Variants in LRFN5 observed in about 807,000 individuals in gnomAD.
LRFN5 encodes leucine rich repeat and fibronectin type III domain containing 5, also known as leucine-rich repeat and fibronectin type-III domain-containing protein 5.
Under a neutral mutation model 45.6 loss-of-function variants are expected in LRFN5, and 24 were observed. That is an observed-to-expected ratio of 0.53 (90% CI 0.38 to 0.74). The LOEUF is 0.74. Among genes scored for constraint, LRFN5 ranks in the 30% least tolerant of loss-of-function variants. The probability of loss-of-function intolerance (pLI) is 0.00; values close to 1 mark genes in which losing one functional copy is unlikely to be tolerated. For missense variants in LRFN5, 776 were observed against 861.5 expected (o/e 0.90, Z 1.24); for synonymous variants, 340 against 313.8 (o/e 1.08, Z -0.88).
chr14:41,634,734 G>A (rs923334914), intron 1 of LRFN5, among the ~76,000 whole-genome samples: 5 of 152,086 alleles, frequency 3.3e-5, no homozygotes, highest in Non-Finnish European at 5.9e-5. Context: ...ATGCTGTAGG[G>A]TTTGGGTCTG....
At chr14:41,873,900 A>T (rs1890105039) in intron 2 of LRFN5, among the ~76,000 whole-genome samples, 1 of 152,206 alleles carries the variant, frequency 6.6e-6, no homozygotes, top group South Asian at 2.1e-4. Context: ...ACCCTAGGGA[A>T]ACTGAAATAC....
At chr14:41,732,069 A>G (rs187414978) in intron 1 of LRFN5, among the ~76,000 whole-genome samples, 2 of 152,296 alleles carry the variant, frequency 1.3e-5, no homozygotes, top group Non-Finnish European at 2.9e-5. Flanking sequence ...GAAGTCTTGA[A>G]ACTTCTGAAA....
chr14:41,834,099 GAT>G (rs1283683417), intron 2 of LRFN5, among the ~76,000 whole-genome samples: 1 of 152,100 alleles, frequency 6.6e-6, no homozygotes, highest in African/African-American at 2.4e-5. Context: ...CTTGCTTCCA[GAT>G]CTACATTGTG....
chr14:41,711,709 A>G (rs977255817), intron 1 of LRFN5, among the ~76,000 whole-genome samples: 1 of 152,232 alleles, frequency 6.6e-6, no homozygotes, highest in African/African-American at 2.4e-5. Context: ...TCCGTTTCAC[A>G]GATAAACTGT....
intron 1 of LRFN5, among the ~76,000 whole-genome samples, chr14:41,670,157 TAC>T: frequency 7.0e-6 from 1 of 143,884 alleles, no homozygotes. Context: ...TGTATATATA[TAC>T]ATTCTGTGTA....
intron 1 of LRFN5, among the ~76,000 whole-genome samples, chr14:41,610,620 G>A (rs1238849106): frequency 8.8e-6 from 1 of 113,102 alleles, no homozygotes; most frequent in Non-Finnish European, 1.7e-5. Context: ...AAGATATCTC[G>A]ACTTTAACAG....
At chr14:41,871,915 C>A (rs1034536585) in intron 2 of LRFN5, among the ~76,000 whole-genome samples, 5 of 152,106 alleles carry the variant, frequency 3.3e-5, no homozygotes, top group Non-Finnish European at 5.9e-5. Context: ...ACATATTTAA[C>A]CAATAACCAT....
chr14:41,836,093 T>G (rs12894501), intron 2 of LRFN5, among the ~76,000 whole-genome samples: 75,977 of 151,826 alleles, frequency 0.5, 19,976 homozygotes, highest in African/African-American at 0.63. Context: ...GATATAAAAA[T>G]CCTTTACAAA....
At chr14:41,616,909 TC>T (rs1209090681) in intron 1 of LRFN5, among the ~76,000 whole-genome samples, 1 of 152,152 alleles carries the variant, frequency 6.6e-6, no homozygotes, top group Non-Finnish European at 1.5e-5. Flanking sequence ...ATTTGCCCCT[TC>T]TTTTATTCTT....
chr14:41,744,915 AG>A (rs1326628960), intron 1 of LRFN5, among the ~76,000 whole-genome samples: 1 of 152,098 alleles, frequency 6.6e-6, no homozygotes, highest in African/African-American at 2.4e-5. Flanking sequence ...ATGGAATTGA[AG>A]GGGAAAATAT....
chr14:41,731,678 A>G (rs1053275622), intron 1 of LRFN5: 9 of 152,144 alleles, frequency 5.9e-5, no homozygotes, highest in Admixed American at 5.2e-4. Flanking sequence ...CTCTGCTTCA[A>G]CTTTAGCCAT....
At chr14:41,650,959 T>C (rs1008998849) in intron 1 of LRFN5, among the ~76,000 whole-genome samples, 3 of 151,230 alleles carry the variant, frequency 2.0e-5, no homozygotes, top group Non-Finnish European at 4.4e-5. Context: ...GTTTATGCAG[T>C]GACTAAAAGA....
chr14:41,735,378 C>A (rs985443411), intron 1 of LRFN5, among the ~76,000 whole-genome samples: 5 of 152,104 alleles, frequency 3.3e-5, no homozygotes, highest in Non-Finnish European at 7.4e-5. Flanking sequence ...AGCAATCTCC[C>A]TACCTCAGCC....
chr14:41,652,272 A>G (rs1457058454), intron 1 of LRFN5, among the ~76,000 whole-genome samples: 1 of 152,158 alleles, frequency 6.6e-6, no homozygotes, highest in Non-Finnish European at 1.5e-5. Context: ...TGACAATATT[A>G]TATCATTTCT....
chr14:41,756,117 G>T (rs1464915689), intron 1 of LRFN5, among the ~76,000 whole-genome samples: 1 of 152,196 alleles, frequency 6.6e-6, no homozygotes, highest in Non-Finnish European at 1.5e-5. Context: ...GGCTTGTAGA[G>T]TATCTGCCGA....
intron 2 of LRFN5, among the ~76,000 whole-genome samples, chr14:41,817,839 T>G (rs1887973907): frequency 6.6e-6 from 1 of 152,196 alleles, no homozygotes; most frequent in South Asian, 2.1e-4. Context: ...AACTTCATGC[T>G]GAGCCTCCAG....
intron 2 of LRFN5, among the ~76,000 whole-genome samples, chr14:41,845,758 A>G (rs1889040562): frequency 6.6e-6 from 1 of 152,222 alleles, no homozygotes; most frequent in African/African-American, 2.4e-5. Context: ...CCCAACAATA[A>G]GAGTATTAAA....
chr14:41,661,959 T>A (rs566343294), intron 1 of LRFN5, among the ~76,000 whole-genome samples: 13 of 152,200 alleles, frequency 8.5e-5, no homozygotes, highest in Admixed American at 7.9e-4. Flanking sequence ...TTTGTACTAC[T>A]TGTTTCAGCA....
chr14:41,886,019 C>CAAAAAAAAAA (rs35648547), intron 2 of LRFN5, among the ~76,000 whole-genome samples: 1 of 88,778 alleles, frequency 1.1e-5, no homozygotes, highest in African/African-American at 4.7e-5. Flanking sequence ...AGGCTCGTCT[C>CAAAAAAAAAA]AAAAAAAAAA....
Sources: allele counts gnomAD v4.1 joint callset (sites outside exome capture counted in the v4.1 genomes callset), GRCh38; gene constraint gnomAD v4.1.1; transcripts MANE v1.5; gene names NCBI Gene and HGNC (gene_info 2026-07-23, HGNC 2026-07-21).